CNTN1: variants seen among roughly 807,000 people sequenced by gnomAD.
CNTN1 encodes the protein contactin 1, also known as contactin-1.
A neutral mutation model predicts 126.4 loss-of-function variants in CNTN1; 38 were observed. The ratio of observed to expected loss-of-function variants is 0.30; its 90% CI spans 0.23 to 0.39. CNTN1 has a LOEUF of 0.39. CNTN1 is among the 10% of genes least tolerant of loss of function. The pLI is 1.00. For synonymous variants in CNTN1, 413 were observed against 422.6 expected (o/e 0.98, Z 0.28); for missense variants, 1,009 against 1,248.4 (o/e 0.81, Z 2.89).
chr12:40,959,669 G>C (rs1461074363), intron 15 of CNTN1, among the ~76,000 whole-genome samples: 9 of 151,942 alleles, frequency 5.9e-5, no homozygotes, highest in Non-Finnish European at 1.5e-5. Context: ...ATTTATACAT[G>C]TATCATGTTT....
intron 1 of CNTN1, among the ~76,000 whole-genome samples, chr12:40,707,272 G>A (rs1387743135): frequency 3.0e-5 from 3 of 100,570 alleles, no homozygotes; most frequent in African/African-American, 9.4e-5. Flanking sequence ...TTTTTGAGAC[G>A]GAGTCTCGCT....
At chr12:40,962,538 G>A (rs1019096705) in intron 15 of CNTN1, among the ~76,000 whole-genome samples, 3 of 152,018 alleles carry the variant, frequency 2.0e-5, no homozygotes, top group Admixed American at 6.6e-5. Context: ...AAACACTCCC[G>A]CTGTGAGTTT....
chr12:40,841,760 A>G (rs1400505805), intron 1 of CNTN1, among the ~76,000 whole-genome samples: 1 of 152,084 alleles, frequency 6.6e-6, no homozygotes, highest in Non-Finnish European at 1.5e-5. Context: ...CAAACTAGGT[A>G]TAGAAGGAAT....
intron 1 of CNTN1, among the ~76,000 whole-genome samples, chr12:40,699,805 G>A (rs1041668352): frequency 1.7e-4 from 26 of 151,894 alleles, no homozygotes; most frequent in African/African-American, 5.8e-4. Flanking sequence ...AAGGTTACAC[G>A]TTAGTGGCAA....
chr12:40,725,993 G>T (rs993306866), intron 1 of CNTN1, among the ~76,000 whole-genome samples: 5 of 151,760 alleles, frequency 3.3e-5, no homozygotes, highest in African/African-American at 1.2e-4. Flanking sequence ...AGGAAGTCTT[G>T]AGTCAGCATT....
intron 1 of CNTN1, among the ~76,000 whole-genome samples, chr12:40,746,131 T>G (rs534519421): frequency 6.6e-6 from 1 of 152,294 alleles, no homozygotes; most frequent in African/African-American, 2.4e-5. Flanking sequence ...ACTTGCATTA[T>G]TGTCATTTTC....
intron 1 of CNTN1, among the ~76,000 whole-genome samples, chr12:40,859,553 A>G (rs906145838): frequency 1.9e-4 from 29 of 152,018 alleles, no homozygotes; most frequent in African/African-American, 6.3e-4. Flanking sequence ...CGACAAAAAG[A>G]TTTTCTTTTT....
intron 9 of CNTN1, among the ~76,000 whole-genome samples, chr12:40,934,622 A>G (rs1377716581): frequency 6.6e-6 from 1 of 151,864 alleles, no homozygotes; most frequent in Non-Finnish European, 1.5e-5. Context: ...GGCTTCCACA[A>G]TATTATTCGT....
intron 23 of CNTN1, chr12:41,061,810 G>T (rs1168776286): frequency 2.2e-6 from 1 of 455,812 alleles, no homozygotes; most frequent in South Asian, 1.5e-5. Flanking sequence ...GATCACAGAA[G>T]CATCAGAACC....
At position 40,959,196 on chromosome 12, in the gene CNTN1, T is replaced by A. The variant is rs753696053; in HGVS notation, c.1766T>A (p.Val589Glu). 2 of 1,612,790 alleles carry A rather than the reference T, an allele frequency of 1.2e-6. No homozygotes were observed. Among genetic ancestry groups the A allele is most frequent in the Non-Finnish European group, 1.7e-6 (2 of 1,179,162 alleles). The stretch of plus-strand genomic sequence containing the variant: ...TACACATGCACTGCCCAGACAATTG[T>A]GGACAATTCTTCAGCTTCAGCTGAC... ...GRYTCTAQTI[V>E]DNSSASADLV... The change falls in exon 15 of 24, where the codon GTG becomes GAG. Residue 589 changes from valine to glutamate, a missense_variant. Physicochemically the swap from Val to Glu is moderately radical, Grantham distance 121. Transcript: ENST00000551295.
At chr12:40,881,376 C>T (rs369349781) in intron 1 of CNTN1, among the ~76,000 whole-genome samples, 1 of 151,708 alleles carries the variant, frequency 6.6e-6, no homozygotes, top group East Asian at 1.9e-4. Flanking sequence ...GAAGAATGAC[C>T]TGGTAGAGCT....
chr12:40,719,841 GT>G (rs1035317159), intron 1 of CNTN1, among the ~76,000 whole-genome samples: 19 of 150,402 alleles, frequency 1.3e-4, no homozygotes, highest in Admixed American at 5.3e-4. Flanking sequence ...GTGGCTTTCT[GT>G]TTTTTTTTCT....
chr12:40,784,581 G>A (rs187536600), intron 1 of CNTN1, among the ~76,000 whole-genome samples: 5 of 152,232 alleles, frequency 3.3e-5, no homozygotes, highest in Admixed American at 3.3e-4. Flanking sequence ...GGATAAAGAT[G>A]AAGTGAAAGC....
At chr12:40,787,199 A>G (rs1940056316) in intron 1 of CNTN1, among the ~76,000 whole-genome samples, 1 of 152,034 alleles carries the variant, frequency 6.6e-6, no homozygotes, top group Non-Finnish European at 1.5e-5. Context: ...TCACTTAAAA[A>G]CCTTTATCTT....
intron 23 of CNTN1, among the ~76,000 whole-genome samples, chr12:41,066,803 AATT>A (rs1173360002): frequency 5.3e-5 from 8 of 152,170 alleles, no homozygotes. Context: ...ATATAGCGGG[AATT>A]CTCCCTGAAG....
chr12:40,970,106 G>T (rs1209162035), intron 15 of CNTN1, among the ~76,000 whole-genome samples: 1 of 152,062 alleles, frequency 6.6e-6, no homozygotes, highest in Non-Finnish European at 1.5e-5. Context: ...GATGTGTAGG[G>T]TCTAAGCAAC....
intron 1 of CNTN1, among the ~76,000 whole-genome samples, chr12:40,795,806 T>C (rs1210986361): frequency 6.6e-6 from 1 of 152,174 alleles, no homozygotes; most frequent in East Asian, 1.9e-4. Context: ...CAGGGATTTC[T>C]GTAATCGTTG....
chr12:40,918,256 C>T (rs889337028), intron 3 of CNTN1, among the ~76,000 whole-genome samples: 1 of 152,074 alleles, frequency 6.6e-6, no homozygotes, highest in African/African-American at 2.4e-5. Flanking sequence ...GTTTTGGCTT[C>T]CTGTTGGAAC....
intron 1 of CNTN1, among the ~76,000 whole-genome samples, chr12:40,799,277 G>C (rs1473620097): frequency 2.7e-5 from 4 of 150,862 alleles, no homozygotes; most frequent in Admixed American, 2.0e-4. Context: ...ATCTATTATT[G>C]AGTAATTATT....
Sources: gnomAD v4.1 joint callset for allele counts (sites outside exome capture counted in the v4.1 genomes callset) on GRCh38, gnomAD v4.1.1 for gene constraint, MANE v1.5 for transcripts, NCBI Gene and HGNC (gene_info 2026-07-23, HGNC 2026-07-21) for gene names.